Variants in NBEA observed in about 807,000 individuals in gnomAD.
NBEA encodes the protein lysosomal-trafficking regulator 2.
Under a neutral mutation model 343.4 loss-of-function variants are expected in NBEA, and 44 were observed. The ratio of observed to expected loss-of-function variants is 0.13; its 90% confidence interval spans 0.10 to 0.16. The LOEUF is 0.16. NBEA is among the 10% of genes least tolerant of loss of function. The pLI is 1.00. For missense variants in NBEA, 2,555 were observed against 3,631.3 expected (o/e 0.70, Z 7.62); for synonymous variants, 1,175 against 1,238.7 (o/e 0.95, Z 1.08).
intron 38 of NBEA, among the ~76,000 whole-genome samples, chr13:35,416,992 C>G (rs149496061): frequency 6.6e-6 from 1 of 152,066 alleles, no homozygotes; most frequent in Non-Finnish European, 1.5e-5. Flanking sequence ...GGAATTTATC[C>G]GTTTCTTCTA....
intron 38 of NBEA, among the ~76,000 whole-genome samples, chr13:35,358,344 T>C (rs2040614029): frequency 6.6e-6 from 1 of 152,014 alleles, no homozygotes; most frequent in African/African-American, 2.4e-5. Flanking sequence ...ATTCTTGAGC[T>C]TCTATTTGTG....
intron 38 of NBEA, among the ~76,000 whole-genome samples, chr13:35,405,033 G>T (rs2043203398): frequency 6.6e-6 from 1 of 152,118 alleles, no homozygotes; most frequent in African/African-American, 2.4e-5. Flanking sequence ...ACACTCTGTG[G>T]ACCCTGAGAA....
At chr13:35,179,457 C>G (rs2071152085) in intron 28 of NBEA, among the ~76,000 whole-genome samples, 1 of 150,880 alleles carries the variant, frequency 6.6e-6, no homozygotes, top group Non-Finnish European at 1.5e-5. Context: ...GATGTTTAGC[C>G]TCTATGTATA....
At chr13:35,118,202 G>A (rs1161218728) in intron 14 of NBEA, 26 bp from the exon 15 acceptor site, 16 of 1,354,200 alleles carry the variant, frequency 1.2e-5, no homozygotes, top group Non-Finnish European at 1.5e-5. Context: ...TAGATGTAAA[G>A]TAATAAAATA....
At chr13:35,461,323 T>C (rs1292752976) in intron 40 of NBEA, among the ~76,000 whole-genome samples, 1 of 152,264 alleles carries the variant, frequency 6.6e-6, no homozygotes, top group African/African-American at 2.4e-5. Context: ...TAATACAGTG[T>C]AATAGTTGAA....
At chr13:35,332,047 A>T (rs1471786174) in intron 36 of NBEA, among the ~76,000 whole-genome samples, 1 of 152,026 alleles carries the variant, frequency 6.6e-6, no homozygotes, top group African/African-American at 2.4e-5. Flanking sequence ...CCCACATAAC[A>T]TACTCATGCA....
At position 35,649,698 on chromosome 13, in the gene NBEA, A is replaced by G. The variant is rs982202227; in HGVS notation, c.7814A>G (p.Gln2605Arg). 6.2e-7 allele frequency: 1 copy of G among 1,613,976 alleles called. No individual in the cohort carries two copies. The highest frequency in any genetic ancestry group is 8.5e-7 in the Non-Finnish European group (1 of 1,179,846). Reference sequence around the variant, plus strand: ...CCGCTCATGTTTAAAGATCAGATGCAACAGGATGTGATAATGGTGCTGAAG... The same window carrying G: ...CCGCTCATGTTTAAAGATCAGATGCGACAGGATGTGATAATGGTGCTGAAG... ...QSPLMFKDQM[Q>R]QDVIMVLKFP... The change falls in exon 52 of 59, where the codon CAA becomes CGA. Residue 2605 changes from glutamine (Q) to arginine (R), a missense_variant. By Grantham distance (43) the Gln-to-Arg change is conservative (BLOSUM62 1). Coordinates refer to ENST00000379939, the MANE Select transcript of NBEA (RefSeq NM_001385012.1).
chr13:34,991,573 T>A (rs1219815015), intron 1 of NBEA, among the ~76,000 whole-genome samples: 1 of 152,104 alleles, frequency 6.6e-6, no homozygotes, highest in Non-Finnish European at 1.5e-5. Context: ...ACCAGGCCCC[T>A]CCTCCAACAC....
Position 35,371,876 on chromosome 13 carries a change from C to T in NBEA, c.6179+19553C>T, listed in dbSNP as rs139772367. Among the ~76,000 whole-genome samples the T allele has an allele frequency of 3.7e-3, 557 of 152,310 alleles. 3 individuals are homozygous for T. Among genetic ancestry groups the T allele is most frequent in the African/African-American group, 0.012 (492 of 41,568 alleles). On this transcript the variant is annotated intron_variant, in intron 38 of 58. Transcript: ENST00000379939. ...TCTATATAATTTCTTAAGCTTTAAA[C>T]AGCATCAGTTGTATCCATGATTTCC... is the stretch of plus-strand genomic sequence containing the variant.
At chr13:35,620,032 C>T (rs2082911475) in intron 48 of NBEA, among the ~76,000 whole-genome samples, 1 of 152,072 alleles carries the variant, frequency 6.6e-6, no homozygotes, top group Admixed American at 6.5e-5. Context: ...CAGTGAGTGG[C>T]TTCAGAAGGT....
chr13:35,441,829 G>A (rs1216004566), intron 39 of NBEA, among the ~76,000 whole-genome samples: 2 of 129,936 alleles, frequency 1.5e-5, no homozygotes, highest in African/African-American at 6.3e-5. Flanking sequence ...AATGCTAGAT[G>A]TGAAAAAAAA....
intron 44 of NBEA, among the ~76,000 whole-genome samples, chr13:35,560,911 G>C (rs1220596152): frequency 6.6e-6 from 1 of 151,374 alleles, no homozygotes; most frequent in Non-Finnish European, 1.5e-5. Context: ...TGTATCCAAA[G>C]CAGGATTGCT....
At chr13:35,236,486 G>A (rs1271855459) in intron 34 of NBEA, among the ~76,000 whole-genome samples, 2 of 151,718 alleles carry the variant, frequency 1.3e-5, no homozygotes, top group Admixed American at 1.3e-4. Flanking sequence ...TTGCTCTGTC[G>A]CCCAGGCTGG....
rs552440422 is a variant in NBEA at position 35,000,889 on chromosome 13, G to C, written c.295-40044G>C. 2.0e-5 allele frequency among the ~76,000 whole-genome samples: 3 copies of C among 151,494 alleles called. No individual in the cohort carries two copies. In the South Asian group the frequency reaches 6.2e-4, roughly 32 times the overall value. On this transcript the variant is annotated intron_variant, in intron 1 of 58. Coordinates refer to ENST00000379939, the MANE Select transcript of NBEA (RefSeq NM_001385012.1). ...TTTCCTTTTTTGTTTTTGTTTTTTA[G>C]TGTAATTTTGAATTTCAAAAAAGAA...
At chr13:35,615,129 CAAAAAAAAAA>C (rs34475826) in intron 48 of NBEA, among the ~76,000 whole-genome samples, 1 of 110,980 alleles carries the variant, frequency 9.0e-6, no homozygotes, top group East Asian at 2.4e-4. Flanking sequence ...ACTAAAAATA[CAAAAAAAAAA>C]AAAACAAAAA....
chr13:35,424,559 T>C (rs920855925), intron 38 of NBEA, among the ~76,000 whole-genome samples: 5 of 152,216 alleles, frequency 3.3e-5, no homozygotes, highest in African/African-American at 4.8e-5. Flanking sequence ...GCCAGTATTT[T>C]ATTGAGGATT....
intron 44 of NBEA, among the ~76,000 whole-genome samples, chr13:35,566,395 G>C (rs2080139649): frequency 6.6e-6 from 1 of 151,978 alleles, no homozygotes; most frequent in Non-Finnish European, 1.5e-5. Flanking sequence ...AGATAAAATA[G>C]AATACCACCA....
chr13:35,403,790 A>C (rs1274106051), intron 38 of NBEA, among the ~76,000 whole-genome samples: 14 of 152,126 alleles, frequency 9.2e-5, no homozygotes, highest in Non-Finnish European at 1.5e-4. Context: ...CTGCACAGCA[A>C]AAGAAACTAC....
intron 30 of NBEA, among the ~76,000 whole-genome samples, chr13:35,184,317 T>C (rs949771175): frequency 4.6e-5 from 7 of 152,170 alleles, no homozygotes; most frequent in South Asian, 2.1e-4. Context: ...TTAATATGCA[T>C]AGTGGTAGCA....
Sources: gnomAD v4.1 joint callset for allele counts (sites outside exome capture counted in the v4.1 genomes callset) on GRCh38, gnomAD v4.1.1 for gene constraint, MANE v1.5 for transcripts, NCBI Gene and HGNC (gene_info 2026-07-23, HGNC 2026-07-21) for gene names.